The following AOX1 variants were observed in gnomAD, a reference collection of about 807,000 sequenced individuals.
AOX1 encodes aldehyde oxidase 1, also known as aldehyde oxidase.
A neutral mutation model predicts 169.5 loss-of-function variants in AOX1; 153 were observed. That is an observed-to-expected ratio of 0.90 (90% confidence interval 0.79 to 1.03). The LOEUF (loss-of-function observed/expected upper bound fraction) is 1.03. Among genes scored for constraint, AOX1 ranks in the 50% least tolerant of loss-of-function variants. The pLI is 0.00. For synonymous variants in AOX1, 562 were observed against 581.9 expected, an observed-to-expected ratio of 0.97 and a Z score of 0.49; for missense variants, 1,656 against 1,663.9, an observed-to-expected ratio of 1.00 and a Z score of 0.08.
chr2:200,604,596 A>G, intron 8 of AOX1, 100 bp from the exon 9 acceptor site: 2 of 1,238,592 alleles, frequency 1.6e-6, no homozygotes, highest in Non-Finnish European at 2.3e-6. Flanking sequence ...TTTAGAAGAT[A>G]TGTATTTTCT....
intron 7 of AOX1, 62 bp downstream of exon 7, chr2:200,603,418 CTT>C: frequency 4.5e-6 from 6 of 1,344,032 alleles, no homozygotes; most frequent in Non-Finnish European, 6.3e-6. Context: ...CCAACATACT[CTT>C]AGGAAGAACA....
intron 1 of AOX1, among the ~76,000 whole-genome samples, chr2:200,591,971 G>A (rs1333808589): frequency 3.3e-5 from 5 of 151,340 alleles, no homozygotes; most frequent in African/African-American, 9.7e-5. Context: ...GTGGTGGATT[G>A]GAAAAAAAAA....
intron 23 of AOX1, 141 bp downstream of exon 23, chr2:200,638,443 G>C (rs896876657): frequency 5.8e-5 from 40 of 688,366 alleles, no homozygotes; most frequent in Non-Finnish European, 9.3e-5. Flanking sequence ...ACTTTCTATT[G>C]GTTGCACTGA....
intron 21 of AOX1, 64 bp downstream of exon 21, chr2:200,634,979 G>A: frequency 1.9e-6 from 3 of 1,582,278 alleles, no homozygotes; most frequent in Non-Finnish European, 2.6e-6. Context: ...AATATATCAA[G>A]AGCAATTAGA....
intron 19 of AOX1, 125 bp from the exon 20 acceptor site, chr2:200,627,228 G>C (rs2035024379): frequency 6.0e-6 from 4 of 668,278 alleles, no homozygotes; most frequent in South Asian, 5.6e-5. Context: ...CATGGTGAAA[G>C]TGCACGGAAC....
intron 20 of AOX1, among the ~76,000 whole-genome samples, chr2:200,634,559 C>T (rs2035191109): frequency 6.6e-6 from 1 of 152,150 alleles, no homozygotes; most frequent in South Asian, 2.1e-4. Flanking sequence ...AAGTCATACA[C>T]CTTTCTCTAG....
At chr2:200,628,190 T>TACACACACAC (rs911304455) in intron 20 of AOX1, among the ~76,000 whole-genome samples, 2 of 151,170 alleles carry the variant, frequency 1.3e-5, no homozygotes, top group Admixed American at 6.6e-5. Context: ...CACACACACA[T>TACACACACAC]ACACACACAC....
downstream of AOX1, among the ~76,000 whole-genome samples, chr2:200,674,183 A>C (rs1280448592): frequency 6.6e-6 from 1 of 152,196 alleles, no homozygotes; most frequent in Admixed American, 6.5e-5. Flanking sequence ...GGGGTCCTTA[A>C]GCTGATGCAG....
At chr2:200,613,467 G>A (rs1438233792) in intron 14 of AOX1, among the ~76,000 whole-genome samples, 1 of 152,200 alleles carries the variant, frequency 6.6e-6, no homozygotes, top group Non-Finnish European at 1.5e-5. Context: ...GCTAAAAGCA[G>A]ATCTTGGCAT....
At chr2:200,628,648 G>T (rs1189937274) in intron 20 of AOX1, among the ~76,000 whole-genome samples, 2 of 152,136 alleles carry the variant, frequency 1.3e-5, no homozygotes, top group Non-Finnish European at 2.9e-5. Context: ...CATCTTCTGG[G>T]CTGGGCATGG....
intron 24 of AOX1, among the ~76,000 whole-genome samples, 190 bp downstream of exon 24, chr2:200,641,374 G>A (rs78465788): frequency 0.031 from 4,706 of 152,196 alleles, 137 homozygotes; most frequent in African/African-American, 0.071. Context: ...AGTTGCATCT[G>A]TGTGTTACCC....
At chr2:200,661,026 C>A (rs1001578733) in intron 29 of AOX1, among the ~76,000 whole-genome samples, 2 of 152,166 alleles carry the variant, frequency 1.3e-5, no homozygotes, top group Non-Finnish European at 2.9e-5. Flanking sequence ...ACCTTCATTC[C>A]TAGACTTAGG....
intron 19 of AOX1, 44 bp downstream of exon 19, chr2:200,624,027 C>T: frequency 1.2e-6 from 2 of 1,609,000 alleles, no homozygotes; most frequent in South Asian, 1.1e-5. Context: ...GGAGCCAGAA[C>T]AAATATCAGT....
rs1256372208 is a variant in AOX1, at chr2:200,603,372, A to G, written c.588+16A>G. ...AGGAAGTAAGGTCAGTGAAATGTAA[A>G]GCTTTTATAAGGCTTTCTCAGGACA... On this transcript the variant is annotated intron_variant, in intron 7 of 34. Coordinates refer to ENST00000374700, the MANE Select transcript of AOX1 (RefSeq NM_001159.4). 6.3e-7 allele frequency: 1 copy of G among 1,595,610 alleles called. No homozygotes were observed. Among genetic ancestry groups the G allele is most frequent in the South Asian group, 1.1e-5 (1 of 90,658 alleles).
At chr2:200,645,648 C>A (rs904697430) in intron 25 of AOX1, among the ~76,000 whole-genome samples, 2 of 152,096 alleles carry the variant, frequency 1.3e-5, no homozygotes, top group Non-Finnish European at 2.9e-5. Flanking sequence ...AGGATTGGTA[C>A]CAATTCTTCT....
chr2:200,627,567 AG>A, intron 20 of AOX1, 118 bp downstream of exon 20: 1 of 677,348 alleles, frequency 1.5e-6, no homozygotes, highest in Non-Finnish European at 2.6e-6. Context: ...CCTCAGGAAC[AG>A]GCAGAACAGG....
chr2:200,612,725 C>T lies in AOX1; in HGVS notation c.1380C>T (p.Cys460=). ...GGGATGGCATTATTAGAGAGTTATG[C>T]ATCTCATATGGAGGCGTTGGTCCAG... is the stretch of plus-strand genomic sequence containing the variant. ...GEGDGIIREL[C]ISYGGVGPAT... Residue 460 remains cysteine (C), a synonymous_variant, in exon 14 of 35, where the codon TGC becomes TGT. Coordinates refer to ENST00000374700, the MANE Select transcript of AOX1 (RefSeq NM_001159.4). 6.2e-7 allele frequency: 1 copy of T among 1,614,064 alleles called. No individual in the cohort carries two copies. The highest frequency in any genetic ancestry group is 1.1e-5 in the South Asian group (1 of 91,072).
chr2:200,622,470 C>T (rs1403589619), intron 18 of AOX1, among the ~76,000 whole-genome samples: 1 of 152,236 alleles, frequency 6.6e-6, no homozygotes, highest in Non-Finnish European at 1.5e-5. Context: ...CAGTCCCTTC[C>T]TCTGGCTCTC....
At chr2:200,657,036 A>G (rs2035702336) in intron 27 of AOX1, 99 bp downstream of exon 27, 2 of 815,366 alleles carry the variant, frequency 2.5e-6, no homozygotes, top group Non-Finnish European at 1.7e-6. Context: ...AAAATACAGG[A>G]TAGGAAGCTG....
Sources: allele counts gnomAD v4.1 joint callset (sites outside exome capture counted in the v4.1 genomes callset), GRCh38; gene constraint gnomAD v4.1.1; transcripts MANE v1.5; gene names NCBI Gene and HGNC (gene_info 2026-07-23, HGNC 2026-07-21).